KNL1: variants seen among roughly 807,000 people sequenced by gnomAD.
KNL1 encodes kinetochore scaffold 1.
In KNL1, 66 loss-of-function variants were observed where a neutral mutation model predicts 201.3. The observed-to-expected ratio is 0.33, with a 90% CI of 0.27 to 0.40. The LOEUF is 0.40. Among genes scored for constraint, KNL1 ranks in the 10% least tolerant of loss-of-function variants. The pLI, the probability that KNL1 is intolerant of heterozygous loss-of-function variation, is 1.00. For missense variants in KNL1, 2,815 were observed against 2,690.5 expected (o/e 1.05, Z -1.02); for synonymous variants, 895 against 899.2 (o/e 1.00, Z 0.08).
intron 23 of KNL1, 92 bp downstream of exon 23, chr15:40,657,243 GAAATGAT>G: frequency 9.8e-7 from 1 of 1,024,894 alleles, no homozygotes; most frequent in South Asian, 1.4e-5. Flanking sequence ...AGTGGATCCT[GAAATGAT>G]AAATGTATTC....
chr15:40,652,048 G>C lies in KNL1; in HGVS notation c.6358G>C (p.Val2120Leu). The change falls in exon 21 of 26, where the codon GTA (valine) becomes CTA (leucine). Residue 2120 changes from valine to leucine, a missense_variant. Physicochemically the swap from Val to Leu is conservative, Grantham distance 32. This residue lies in a region of KNL1 where 334 missense variants were observed against 362.6 expected (regional missense o/e 0.92). Coordinates refer to ENST00000399668, the MANE Select transcript of KNL1 (RefSeq NM_144508.5). ...CGTTGAGTGGAGTGATGATCAAGCT[G>C]TATTCACCTTTGTTTATGACACGAT... ...DVVEWSDDQA[V>L]FTFVYDTIQL... 6.2e-7 allele frequency: 1 copy of C among 1,613,808 alleles called. No homozygotes were observed. The highest frequency in any genetic ancestry group is 8.5e-7 in the Non-Finnish European group (1 of 1,179,796).
chr15:40,662,914 C>T lies in KNL1; in HGVS notation c.*726C>T. The T allele has an allele frequency of 5.5e-6, 1 of 180,434 alleles. No homozygotes were observed. The allele number at this position is 180,434 out of a possible 1,614,324, so 11.2% of individuals were successfully genotyped here. On this transcript the variant is annotated 3_prime_UTR_variant, in exon 26 of 26. Transcript: ENST00000399668. ...GGCAGAGGTTGCAGTAAGCCGAGAC[C>T]ATTCCACTGCACTCCAGCCTAGGCA...
chr15:40,651,335 G>T (rs964457623), intron 19 of KNL1, 136 bp from the exon 20 acceptor site: 29 of 368,776 alleles, frequency 7.9e-5, no homozygotes, highest in Non-Finnish European at 1.2e-4. Context: ...TGCAGAAATG[G>T]ATGCCATACA....
At chr15:40,658,540 AAAAAAAG>A (rs1371280510) in intron 24 of KNL1, among the ~76,000 whole-genome samples, 2 of 113,994 alleles carry the variant, frequency 1.8e-5, no homozygotes, top group Non-Finnish European at 3.7e-5. Flanking sequence ...AAAAAAAAAA[AAAAAAAG>A]AGAGAATCTG....
chr15:40,627,406 C>T (rs1382725213), intron 10 of KNL1, among the ~76,000 whole-genome samples: 1 of 151,252 alleles, frequency 6.6e-6, no homozygotes, highest in Non-Finnish European at 1.5e-5. Flanking sequence ...TCCAGCTACT[C>T]AGGAGACTGA....
intron 16 of KNL1, 80 bp from the exon 17 acceptor site, chr15:40,646,907 C>T (rs1259159570): frequency 8.1e-6 from 5 of 621,062 alleles, no homozygotes; most frequent in African/African-American, 5.9e-5. Context: ...CATGATAGAG[C>T]GATTATGTGA....
At position 40,622,375 on chromosome 15, in the gene KNL1, C is replaced by T. The variant is rs1476295069; in HGVS notation, c.2111C>T (p.Ser704Leu). The T allele has an allele frequency of 6.2e-7, 1 of 1,613,854 alleles. No individual in the cohort carries two copies. Among genetic ancestry groups the T allele is most frequent in the Middle Eastern group, 1.6e-4 (1 of 6,062 alleles). Residue 704 changes from serine (S) to leucine (L), a missense_variant, in exon 10 of 26, where the codon TCA (serine) becomes TTA (leucine). By Grantham distance (145) the Ser-to-Leu change is moderately radical. Around this residue, in one of 3 missense-constraint regions of KNL1, gnomAD observed 2,464 missense variants for 2,291.7 expected, o/e 1.08. Transcript: ENST00000399668. Reference protein sequence around the residue: ...SLFSTTKPLFSSGQFSMKNHD... With the variant: ...SLFSTTKPLFLSGQFSMKNHD... ...TTTTCTACCACAAAGCCATTATTTTCATCAGGACAGTTCTCTATGAAAAAT... is the reference window on the plus strand; with the variant it reads ...TTTTCTACCACAAAGCCATTATTTTTATCAGGACAGTTCTCTATGAAAAAT...
rs1893677213 is a variant in KNL1, at chr15:40,654,964, A to G, written c.6471A>G (p.Gln2157=). 1.9e-6 allele frequency: 3 copies of G among 1,612,420 alleles called. No individual in the cohort carries two copies. Among genetic ancestry groups the G allele is most frequent in the Admixed American group, 3.3e-5 (2 of 59,978 alleles). Residue 2157 remains glutamine (Q), a synonymous_variant, in exon 22 of 26, where the codon CAA becomes CAG. Transcript: ENST00000399668. The part of the protein sequence containing the change: ...RYRKIVDVNF[Q]SLLDEDQAPP... Reference sequence around the variant, plus strand: ...GGAAGATTGTTGATGTCAATTTTCAATCTCTGTTAGATGGTAAGTAGAAAA... The same window carrying G: ...GGAAGATTGTTGATGTCAATTTTCAGTCTCTGTTAGATGGTAAGTAGAAAA...
intron 1 of KNL1, among the ~76,000 whole-genome samples, chr15:40,597,279 C>T (rs1891648948): frequency 6.6e-6 from 1 of 152,118 alleles, no homozygotes; most frequent in South Asian, 2.1e-4. Context: ...GAGACAGAGT[C>T]TCACTCACTG....
In KNL1 at chr15:40,620,804, A is replaced by G; in HGVS notation, c.540A>G (p.Thr180=). 6.2e-7 allele frequency: 1 copy of G among 1,611,624 alleles called. No homozygotes were observed. The highest frequency in any genetic ancestry group is 8.5e-7 in the Non-Finnish European group (1 of 1,179,366). The stretch of plus-strand genomic sequence containing the variant: ...AAAAGTCCACCAAGATAGATACCAC[A>G]TCATTTCTAGCTAATTTAAAGCTTC... ...ISEKSTKIDT[T]SFLANLKLHT... is the part of the protein sequence containing the mutation. The change falls in exon 10 of 26, where the codon ACA becomes ACG. Residue 180 remains threonine (T), a synonymous_variant. Transcript: ENST00000399668.
chr15:40,662,096 C>T lies in KNL1; in HGVS notation c.6859C>T (p.Leu2287=). The T allele has an allele frequency of 6.2e-7, 1 of 1,604,822 alleles. No homozygotes were observed. Residue 2287 remains leucine, a synonymous_variant, in exon 26 of 26, where the codon CTA becomes TTA. Coordinates refer to ENST00000399668, the MANE Select transcript of KNL1 (RefSeq NM_144508.5). ...NTSQDDIATI[L]SKVPLENNYL... is the part of the protein sequence containing the mutation. ...CAGCCAAGATGATATTGCTACCATT[C>T]TATCTAAAGTGCCACTGGAGAACAA...
chr15:40,656,980 TTATATAAAA>T, intron 22 of KNL1, 53 bp from the exon 23 acceptor site: 1 of 705,082 alleles, frequency 1.4e-6, no homozygotes. Context: ...TATTTTTCAC[TTATATAAAA>T]TATATGAATC....
intron 8 of KNL1, among the ~76,000 whole-genome samples, chr15:40,617,953 G>T (rs1245938475): frequency 1.6e-5 from 1 of 63,492 alleles, no homozygotes; most frequent in East Asian, 5.9e-4. Context: ...ATGGAAGCCT[G>T]AAATATAAAT....
intron 1 of KNL1, among the ~76,000 whole-genome samples, chr15:40,595,568 A>C (rs548628788): frequency 1.3e-5 from 2 of 152,346 alleles, no homozygotes; most frequent in Admixed American, 6.5e-5. Flanking sequence ...TTGGAATGGT[A>C]GTATTAATGA....
At position 40,624,145 on chromosome 15, in the gene KNL1, C is replaced by T. The variant is rs753156438; in HGVS notation, c.3881C>T (p.Ala1294Val). Residue 1294 changes from alanine to valine, a missense_variant, in exon 10 of 26, where the codon GCT becomes GTT. This residue lies in a region of KNL1 where 2,464 missense variants were observed against 2,291.7 expected (regional missense o/e 1.08). Transcript: ENST00000399668. ...GACTTTACAAGTAGTCATGCAACTG[C>T]TGTTTGTGGATCCAGTGATAATTAT... ...NVDFTSSHAT[A>V]VCGSSDNYSC... 3 of 1,613,974 alleles carry T rather than the reference C, an allele frequency of 1.9e-6. No homozygotes were observed. Among genetic ancestry groups the T allele is most frequent in the Non-Finnish European group, 2.5e-6 (3 of 1,179,936 alleles).
chr15:40,635,070 A>G (rs975622007), intron 13 of KNL1, among the ~76,000 whole-genome samples: 7 of 144,324 alleles, frequency 4.9e-5, no homozygotes, highest in African/African-American at 1.8e-4. Context: ...TTTTTTTGAG[A>G]TGGAGTTTCG....
chr15:40,618,511 G>A (rs1298780587), intron 8 of KNL1, among the ~76,000 whole-genome samples: 1 of 151,942 alleles, frequency 6.6e-6, no homozygotes, highest in African/African-American at 2.4e-5. Flanking sequence ...AATAAAAATA[G>A]AGAAGTGAAT....
intron 2 of KNL1, among the ~76,000 whole-genome samples, chr15:40,604,718 C>G (rs926349627): frequency 2.6e-5 from 4 of 152,192 alleles, no homozygotes; most frequent in Non-Finnish European, 4.4e-5. Flanking sequence ...ATAATCTCAA[C>G]ACTACCTATT....
chr15:40,623,753 T>A lies in KNL1; in HGVS notation c.3489T>A (p.Asp1163Glu), dbSNP rs746262088. 6.2e-7 allele frequency: 1 copy of A among 1,613,934 alleles called. No homozygotes were observed. Among genetic ancestry groups the A allele is most frequent in the South Asian group, 1.1e-5 (1 of 91,066 alleles). ...KTVLFTDNYS[D>E]LEVTDSHTVF... ...TATTGTTCACAGATAATTACAGTGA[T>A]CTGGAAGTCACCGATTCCCATACTG... Residue 1163 changes from aspartate (D) to glutamate (E), a missense_variant, in exon 10 of 26, where the codon GAT becomes GAA. Physicochemically the swap from Asp to Glu is conservative, Grantham distance 45 (BLOSUM62 2). This residue lies in a region of KNL1 where 2,464 missense variants were observed against 2,291.7 expected (regional missense o/e 1.08). Transcript: ENST00000399668.
Sources: gnomAD v4.1 joint callset for allele counts (sites outside exome capture counted in the v4.1 genomes callset) on GRCh38, gnomAD v4.1.1 for gene constraint, gnomAD v4.1.1 regional missense constraint, MANE v1.5 for transcripts, NCBI Gene and HGNC (gene_info 2026-07-23, HGNC 2026-07-21) for gene names.